SLC35D1: variants seen among roughly 807,000 people sequenced by gnomAD.
SLC35D1 encodes the protein nucleotide sugar transporter SLC35D1.
A neutral mutation model predicts 46.7 loss-of-function variants in SLC35D1; 31 were observed. The observed-to-expected ratio is 0.66, with a 90% confidence interval of 0.50 to 0.90. SLC35D1 has a LOEUF of 0.90. Among genes scored for constraint, SLC35D1 ranks in the 40% least tolerant of loss-of-function variants. The pLI is 0.00. For missense variants in SLC35D1, 397 were observed against 426.2 expected (o/e 0.93, Z 0.60); for synonymous variants, 195 against 164.6 (o/e 1.18, Z -1.41).
intron 8 of SLC35D1, among the ~76,000 whole-genome samples, chr1:67,039,756 T>C (rs913654829): frequency 2.2e-4 from 33 of 152,160 alleles, no homozygotes; most frequent in African/African-American, 7.7e-4. Flanking sequence ...AGTGGGCTCA[T>C]GCCAGCTGTG....
At position 67,018,841 on chromosome 1, in the gene SLC35D1, C is replaced by T. The variant is rs144749733; in HGVS notation, c.876+1528G>A. Among the ~76,000 whole-genome samples, 4 of 152,288 alleles carry T rather than the reference C, an allele frequency of 2.6e-5. No homozygotes were observed. In the East Asian group the frequency reaches 7.7e-4, roughly 29 times the overall value. ...AGCTGCACTGTATCCTGTGAGACTTCGACCCTGCAAGGGTATCAGCAGATT... is the reference window on the plus strand; with the variant it reads ...AGCTGCACTGTATCCTGTGAGACTTTGACCCTGCAAGGGTATCAGCAGATT... On this transcript the variant is annotated intron_variant, in intron 10 of 11. Coordinates refer to ENST00000235345, the MANE Select transcript of SLC35D1 (RefSeq NM_015139.3).
intron 8 of SLC35D1, among the ~76,000 whole-genome samples, chr1:67,035,284 C>T (rs1020463171): frequency 6.6e-5 from 10 of 152,114 alleles, no homozygotes; most frequent in Admixed American, 5.2e-4. Flanking sequence ...ATTAGTTCTT[C>T]TTTAAATGTT....
At chr1:66,996,860 G>A (rs1667242798), downstream of SLC35D1, among the ~76,000 whole-genome samples, 1 of 152,048 alleles carries the variant, frequency 6.6e-6, no homozygotes, top group African/African-American at 2.4e-5. Flanking sequence ...ACTCTAAGAG[G>A]GTTTTTTAAA....
At chr1:66,993,247 CA>C in the SLC35D1 span, among the ~76,000 whole-genome samples, 1 of 152,160 alleles carries the variant, frequency 6.6e-6, no homozygotes, top group Admixed American at 6.5e-5. Flanking sequence ...ACATGGAGTA[CA>C]AAACAGGTTG....
chr1:67,018,424 T>C (rs192662368), intron 10 of SLC35D1, among the ~76,000 whole-genome samples: 1 of 152,258 alleles, frequency 6.6e-6, no homozygotes, highest in African/African-American at 2.4e-5. Flanking sequence ...TGTAGGTATA[T>C]ATTAGGGTAT....
intron 9 of SLC35D1, among the ~76,000 whole-genome samples, chr1:67,021,096 G>A (rs1365878095): frequency 5.3e-5 from 8 of 152,084 alleles, no homozygotes; most frequent in African/African-American, 1.7e-4. Flanking sequence ...TAAGAGGCAC[G>A]TTTGCAGGTA....
the SLC35D1 span, chr1:66,988,692 T>C: frequency 6.6e-6 from 1 of 152,322 alleles, no homozygotes. Context: ...AGAATTGCCA[T>C]GTAAACGAGA....
chr1:67,040,610 T>G (rs1668222193), intron 8 of SLC35D1, among the ~76,000 whole-genome samples: 1 of 152,192 alleles, frequency 6.6e-6, no homozygotes, highest in Non-Finnish European at 1.5e-5. Context: ...CTATCTGGAA[T>G]GTACCTTTTG....
chr1:67,038,842 C>CAA (rs1668178201), intron 8 of SLC35D1, among the ~76,000 whole-genome samples: 1 of 151,824 alleles, frequency 6.6e-6, no homozygotes, highest in Non-Finnish European at 1.5e-5. Flanking sequence ...TATACACACA[C>CAA]ACACACACAC....
chr1:66,993,149 T>A, the SLC35D1 span, among the ~76,000 whole-genome samples: 1 of 152,050 alleles, frequency 6.6e-6, no homozygotes, highest in Non-Finnish European at 1.5e-5. Context: ...AAAGAGAAAT[T>A]CCCCCAGCTG....
intron 8 of SLC35D1, among the ~76,000 whole-genome samples, chr1:67,035,222 T>C (rs1668099399): frequency 6.6e-6 from 1 of 152,164 alleles, no homozygotes; most frequent in Non-Finnish European, 1.5e-5. Context: ...AGAATGAATT[T>C]GGAAGTATGC....
At chr1:67,038,834 T>TACACACAC (rs112186155) in intron 8 of SLC35D1, among the ~76,000 whole-genome samples, 1,404 of 130,682 alleles carry the variant, frequency 0.011, 15 homozygotes, top group African/African-American at 0.03. Context: ...TAAATATGTA[T>TACACACAC]ACACACACAC....
At position 67,004,256 on chromosome 1, in the gene SLC35D1, C is replaced by T. The variant is rs1558148134; in HGVS notation, c.*84G>A. On this transcript the variant is annotated 3_prime_UTR_variant, in exon 12 of 12. Transcript: ENST00000235345. ...ATGGTTATTTCCTCCATAATCAAGACACCTCAGTGTCTCTGTAGGAACTGC... is the reference window on the plus strand; with the variant it reads ...ATGGTTATTTCCTCCATAATCAAGATACCTCAGTGTCTCTGTAGGAACTGC... The T allele has an allele frequency of 1.8e-6, 2 of 1,110,344 alleles. No individual in the cohort carries two copies. The highest frequency in any genetic ancestry group is 2.8e-6 in the Non-Finnish European group (2 of 725,194). 68.8% of individuals were successfully genotyped at this position (1,110,344 alleles called of 1,614,324 possible).
intron 7 of SLC35D1, among the ~76,000 whole-genome samples, chr1:67,042,750 C>T (rs555190833): frequency 2.0e-5 from 3 of 152,158 alleles, no homozygotes; most frequent in Non-Finnish European, 4.4e-5. Flanking sequence ...TTTCAGAAGC[C>T]TAGCACAGTG....
intron 8 of SLC35D1, among the ~76,000 whole-genome samples, chr1:67,040,094 A>C (rs1002038496): frequency 2.0e-5 from 3 of 151,588 alleles, no homozygotes; most frequent in Admixed American, 6.6e-5. Flanking sequence ...TCCTGGGCTC[A>C]AGCGATCCTC....
chr1:66,995,988 C>T (rs889080135), downstream of SLC35D1, among the ~76,000 whole-genome samples: 1 of 152,184 alleles, frequency 6.6e-6, no homozygotes, highest in African/African-American at 2.4e-5. Flanking sequence ...GAAATATATT[C>T]TTCAGAAAGA....
chr1:67,037,954 A>T (rs569060366), intron 8 of SLC35D1, among the ~76,000 whole-genome samples: 5 of 152,308 alleles, frequency 3.3e-5, no homozygotes, highest in Non-Finnish European at 5.9e-5. Flanking sequence ...AATAAAACCT[A>T]CAGATCATGT....
chr1:66,985,811 A>T, the SLC35D1 span: 10 of 768,846 alleles, frequency 1.3e-5, no homozygotes, highest in African/African-American at 2.4e-4. Context: ...AAAGGATTAT[A>T]AAATTTTTTT....
At chr1:67,014,067 A>C (rs1018431648) in intron 10 of SLC35D1, among the ~76,000 whole-genome samples, 3 of 152,148 alleles carry the variant, frequency 2.0e-5, no homozygotes, top group African/African-American at 7.2e-5. Flanking sequence ...GGCCCTAAAA[A>C]CTACAGATAC....
Sources: gnomAD v4.1 joint callset for allele counts (sites outside exome capture counted in the v4.1 genomes callset) on GRCh38, gnomAD v4.1.1 for gene constraint, MANE v1.5 for transcripts, NCBI Gene and HGNC (gene_info 2026-07-23, HGNC 2026-07-21) for gene names.